MICAL2: variants seen among roughly 807,000 people sequenced by gnomAD.
The protein encoded by MICAL2 is [F-actin]-monooxygenase MICAL2.
In MICAL2, 77 loss-of-function variants were observed where a neutral mutation model predicts 127.3. The ratio of observed to expected loss-of-function variants is 0.60; its 90% confidence interval spans 0.50 to 0.73. The LOEUF (loss-of-function observed/expected upper bound fraction) is 0.73, where lower values mean the gene tolerates loss of function less well. Among genes scored for constraint, MICAL2 ranks in the 30% least tolerant of loss-of-function variants. MICAL2 has a pLI of 0.00. For synonymous variants in MICAL2, 570 were observed against 551.1 expected (o/e 1.03, Z -0.48); for missense variants, 1,351 against 1,434.4 (o/e 0.94, Z 0.94).
At chr11:12,353,885 C>T (rs766057688) in intron 33 of MICAL2, among the ~76,000 whole-genome samples, 4 of 152,206 alleles carry the variant, frequency 2.6e-5, no homozygotes, top group Non-Finnish European at 5.9e-5. Flanking sequence ...TTTGTTTTCT[C>T]ATGTACCACA....
intron 1 of MICAL2, among the ~76,000 whole-genome samples, chr11:12,133,649 C>T (rs1056886343): frequency 3.3e-5 from 5 of 151,882 alleles, no homozygotes; most frequent in African/African-American, 9.6e-5. Flanking sequence ...ACAAAAAACA[C>T]GCAAAGGAGA....
chr11:12,209,422 G>T, intron 5 of MICAL2, 75 bp from the exon 6 acceptor site: 5 of 1,190,012 alleles, frequency 4.2e-6, no homozygotes, highest in Non-Finnish European at 6.3e-6. Context: ...ATTTCTCATA[G>T]CCACCACACG....
intron 1 of MICAL2, among the ~76,000 whole-genome samples, chr11:12,277,108 C>G (rs1280262072): frequency 6.6e-6 from 1 of 152,032 alleles, no homozygotes; most frequent in Non-Finnish European, 1.5e-5. Context: ...CCAGGTGCAG[C>G]TGGGCAGTTG....
intron 2 of MICAL2, among the ~76,000 whole-genome samples, chr11:12,140,874 C>G (rs1017620533): frequency 5.9e-5 from 9 of 152,168 alleles, no homozygotes; most frequent in Non-Finnish European, 1.2e-4. Flanking sequence ...TTCTACCCTT[C>G]CCCCACCAAC....
chr11:12,344,615 C>A (rs1938924149), intron 32 of MICAL2, among the ~76,000 whole-genome samples: 1 of 149,638 alleles, frequency 6.7e-6, no homozygotes, highest in Non-Finnish European at 1.5e-5. Flanking sequence ...ATTCTCCTGT[C>A]TCAGCCTCTG....
chr11:12,186,926 C>T (rs1858376681), intron 3 of MICAL2, among the ~76,000 whole-genome samples: 1 of 152,210 alleles, frequency 6.6e-6, no homozygotes, highest in African/African-American at 2.4e-5. Flanking sequence ...TACCCATCTG[C>T]CCTCCTACAC....
chr11:12,184,032 G>C (rs1013718955), intron 3 of MICAL2, among the ~76,000 whole-genome samples: 1 of 152,158 alleles, frequency 6.6e-6, no homozygotes, highest in Non-Finnish European at 1.5e-5. Flanking sequence ...CACTCGCCTT[G>C]GTTTCCCAAA....
At position 12,239,453 on chromosome 11, in the gene MICAL2, C is replaced by T; in HGVS notation, c.2082C>T (p.Ser694=). 5 of 1,614,164 alleles carry T rather than the reference C, an allele frequency of 3.1e-6. No individual in the cohort carries two copies. Among genetic ancestry groups the T allele is most frequent in the African/African-American group, 1.3e-5 (1 of 75,068 alleles). The change falls in exon 17 of 28, where the codon AGC becomes AGT. Residue 694 remains serine (S), a synonymous_variant. Coordinates refer to ENST00000683283, the MANE Select transcript of MICAL2 (RefSeq NM_001282663.2). ...CTTTGCAGCCTTCAAACTTTTCCAG[C>T]CGTAGCTTGGGCTCCAATCAAGAGT... The part of the protein sequence containing the change: ...TNLDEPSNFS[S]RSLGSNQECG...
chr11:12,350,918 C>A (rs192250938), intron 33 of MICAL2, among the ~76,000 whole-genome samples: 21 of 152,246 alleles, frequency 1.4e-4, no homozygotes, highest in African/African-American at 4.8e-4. Context: ...CAAGGAAGGA[C>A]CTGTCCTTGC....
intron 33 of MICAL2, chr11:12,349,994 T>A (rs1939020568): frequency 6.9e-7 from 1 of 1,450,980 alleles, no homozygotes; most frequent in African/African-American, 1.4e-5. Flanking sequence ...CAAAGGGGGG[T>A]GGCTTACCCT....
intron 3 of MICAL2, among the ~76,000 whole-genome samples, chr11:12,168,445 A>G (rs1855812562): frequency 6.6e-6 from 1 of 151,630 alleles, no homozygotes; most frequent in African/African-American, 2.4e-5. Flanking sequence ...ACACATACAC[A>G]CACCACACAC....
chr11:12,244,127 C>A lies in MICAL2; in HGVS notation c.2784+15C>A. The A allele has an allele frequency of 1.9e-6, 3 of 1,614,176 alleles. No individual in the cohort carries two copies. The highest frequency in any genetic ancestry group is 2.5e-6 in the Non-Finnish European group (3 of 1,180,002). On this transcript the variant is annotated intron_variant, in intron 21 of 27. Transcript: ENST00000683283. ...CTGCCAGAAAGGTAGTTGTCCTGAA[C>A]AATTTGCTTTCCCTATTCCCTGCAT...
intron 1 of MICAL2, among the ~76,000 whole-genome samples, chr11:12,120,499 C>G (rs1283067472): frequency 6.6e-6 from 1 of 152,054 alleles, no homozygotes; most frequent in Non-Finnish European, 1.5e-5. Context: ...GTGCATTAGA[C>G]AAGCTCACCT....
chr11:12,332,463 G>T (rs888550005), intron 32 of MICAL2, among the ~76,000 whole-genome samples: 1 of 152,184 alleles, frequency 6.6e-6, no homozygotes, highest in African/African-American at 2.4e-5. Context: ...TATAGATAAT[G>T]GTCAGGAGTA....
chr11:12,244,392 CAGAG>C (rs999716700), intron 21 of MICAL2, among the ~76,000 whole-genome samples: 1 of 152,212 alleles, frequency 6.6e-6, no homozygotes, highest in Non-Finnish European at 1.5e-5. Context: ...GCTGAGAAAA[CAGAG>C]AGGGCGGTGC....
intron 2 of MICAL2, among the ~76,000 whole-genome samples, chr11:12,281,383 G>A (rs925540711): frequency 6.6e-6 from 1 of 152,162 alleles, no homozygotes; most frequent in African/African-American, 2.4e-5. Flanking sequence ...TCAGGGGCCC[G>A]CAGGTCTCTC....
intron 2 of MICAL2, among the ~76,000 whole-genome samples, chr11:12,152,596 CA>C (rs1853721740): frequency 6.6e-6 from 1 of 151,964 alleles, no homozygotes; most frequent in Non-Finnish European, 1.5e-5. Context: ...TTCACAGGTG[CA>C]GAGTGGTGGG....
chr11:12,357,555 C>A (rs1046788260), intron 34 of MICAL2, among the ~76,000 whole-genome samples: 1 of 152,152 alleles, frequency 6.6e-6, no homozygotes, highest in Non-Finnish European at 1.5e-5. Context: ...GAAAAAGATT[C>A]TGGCTGGGCG....
intron 2 of MICAL2, chr11:12,161,614 G>A (rs1344111592): frequency 2.6e-5 from 4 of 154,612 alleles, no homozygotes; most frequent in Non-Finnish European, 4.3e-5. Flanking sequence ...GTTCTCTGGA[G>A]TTTTTTCTGT....
Sources: gnomAD v4.1 joint callset for allele counts (sites outside exome capture counted in the v4.1 genomes callset) on GRCh38, gnomAD v4.1.1 for gene constraint, MANE v1.5 for transcripts, NCBI Gene and HGNC (gene_info 2026-07-23, HGNC 2026-07-21) for gene names.